The following MYO10 variants were observed in gnomAD, a reference collection of about 807,000 sequenced individuals.
The protein encoded by MYO10 is myosin X.
In MYO10, 133 loss-of-function variants were observed where a neutral mutation model predicts 257.3. The observed-to-expected ratio is 0.52, with a 90% CI of 0.45 to 0.60. MYO10 has a LOEUF of 0.60. Among genes scored for constraint, MYO10 ranks in the 20% least tolerant of loss-of-function variants. MYO10 has a pLI of 0.00. For missense variants in MYO10, 2,399 were observed against 2,635.7 expected (o/e 0.91, Z 1.97); for synonymous variants, 1,104 against 1,028.6 (o/e 1.07, Z -1.40).
rs751226536 is a variant in MYO10, at chr5:16,779,440, CTTCTAT to C, written c.930+99_930+104del. ...TCACCCACTGGTCCAAATGGAATTACTTCTATTTCTATTTAAAAAAATCTTTTGAAA... is the reference window on the plus strand; with the variant it reads ...TCACCCACTGGTCCAAATGGAATTACTTCTATTTAAAAAAATCTTTTGAAA... On this transcript the variant is annotated intron_variant, in intron 9 of 40. Transcript: ENST00000513610. 3 of 640,992 alleles carry C rather than the reference CTTCTAT, an allele frequency of 4.7e-6. No homozygotes were observed. In the East Asian group the frequency reaches 9.1e-5, roughly 19 times the overall value. 39.7% of individuals were successfully genotyped at this position (640,992 alleles called of 1,614,324 possible).
chr5:16,921,484 T>C (rs1334925675), intron 1 of MYO10, among the ~76,000 whole-genome samples: 4 of 152,034 alleles, frequency 2.6e-5, no homozygotes, highest in African/African-American at 9.7e-5. Flanking sequence ...TGATTGTAAA[T>C]GCCCAAACCT....
At chr5:16,831,623 G>A (rs1205799525) in intron 2 of MYO10, among the ~76,000 whole-genome samples, 1 of 152,114 alleles carries the variant, frequency 6.6e-6, no homozygotes, top group East Asian at 1.9e-4. Context: ...ACTCAGGAAT[G>A]GAAAAACAAA....
intron 1 of MYO10, among the ~76,000 whole-genome samples, chr5:16,892,542 T>C (rs1745088772): frequency 1.3e-5 from 2 of 151,872 alleles, no homozygotes; most frequent in African/African-American, 4.8e-5. Context: ...ACTTGGAAGG[T>C]TGAGGTGAGA....
At position 16,699,320 on chromosome 5, in the gene MYO10, T is replaced by C. The variant is rs1737914069; in HGVS notation, c.3556+130A>G. 4 of 1,254,888 alleles carry C rather than the reference T, an allele frequency of 3.2e-6. No individual in the cohort carries two copies. The South Asian group carries it at 4.7e-5, about 15-fold the overall frequency. 77.7% of individuals were successfully genotyped at this position (1,254,888 alleles called of 1,614,324 possible). A position where few individuals can be genotyped will look rare whatever the true frequency, so the allele number is the denominator to read the frequency against. On this transcript the variant is annotated intron_variant, in intron 26 of 40. Coordinates refer to ENST00000513610, the MANE Select transcript of MYO10 (RefSeq NM_012334.3). Reference sequence around the variant, plus strand: ...CTGAGGTAAGGGTAGGTAGAACGACTTTCCCAGTCCCCATCCATCAGCCCA... The same window carrying C: ...CTGAGGTAAGGGTAGGTAGAACGACCTTCCCAGTCCCCATCCATCAGCCCA...
intron 17 of MYO10, among the ~76,000 whole-genome samples, chr5:16,760,474 C>CA: frequency 6.8e-6 from 1 of 147,120 alleles, no homozygotes; most frequent in South Asian, 2.2e-4. Context: ...AAAAAAAAAA[C>CA]AAACCAAAAA....
At chr5:16,712,507 AAAAT>A (rs1459301295) in intron 19 of MYO10, among the ~76,000 whole-genome samples, 1 of 152,232 alleles carries the variant, frequency 6.6e-6, no homozygotes, top group Non-Finnish European at 1.5e-5. Flanking sequence ...CAATGACAAA[AAAAT>A]AGTGCCATAG....
At chr5:16,889,659 A>G (rs1351325633) in intron 1 of MYO10, among the ~76,000 whole-genome samples, 1 of 151,856 alleles carries the variant, frequency 6.6e-6, no homozygotes, top group East Asian at 1.9e-4. Flanking sequence ...CTGTCCCACT[A>G]AGAACTCTCA....
intron 17 of MYO10, among the ~76,000 whole-genome samples, chr5:16,761,039 G>T (rs1740697099): frequency 6.6e-6 from 1 of 151,836 alleles, no homozygotes. Context: ...CACCCAGGCT[G>T]GACTGCAATG....
intron 26 of MYO10, among the ~76,000 whole-genome samples, chr5:16,697,980 G>A (rs1330559827): frequency 1.3e-5 from 2 of 152,180 alleles, no homozygotes; most frequent in African/African-American, 4.8e-5. Context: ...CCCAAAATTG[G>A]TGATGATTAT....
In MYO10 at chr5:16,869,276, T is replaced by C. The variant is rs1420532967; in HGVS notation, c.120+8333A>G. Among the ~76,000 whole-genome samples, 4 of 149,804 alleles carry C rather than the reference T, an allele frequency of 2.7e-5. No homozygotes were observed. In the East Asian group the frequency reaches 8.0e-4, roughly 30 times the overall value. On this transcript the variant is annotated intron_variant, in intron 2 of 40. Transcript: ENST00000513610. ...GGATGGTCTCGATCTCCTGACCTCA[T>C]GATCCACCCACCTCGGCCTCCCAAA...
chr5:16,676,227 C>G, intron 33 of MYO10, 73 bp from the exon 34 acceptor site: 1 of 1,560,464 alleles, frequency 6.4e-7, no homozygotes, highest in Non-Finnish European at 8.7e-7. Flanking sequence ...TCAAGACTCT[C>G]AAATATCCAT....
At chr5:16,795,283 A>G (rs1401688893) in intron 3 of MYO10, among the ~76,000 whole-genome samples, 1 of 152,192 alleles carries the variant, frequency 6.6e-6, no homozygotes, top group Non-Finnish European at 1.5e-5. Flanking sequence ...TAATGGGTGC[A>G]GAGTTTCTAT....
At chr5:16,670,440 T>C in intron 39 of MYO10, 86 bp downstream of exon 39, 1 of 1,243,334 alleles carries the variant, frequency 8.0e-7, no homozygotes, top group Non-Finnish European at 1.1e-6. Flanking sequence ...CTCCATCTTG[T>C]CTTCTCTCCA....
chr5:16,862,997 G>C (rs1190879305), intron 2 of MYO10, among the ~76,000 whole-genome samples: 2 of 152,298 alleles, frequency 1.3e-5, no homozygotes, highest in East Asian at 3.9e-4. Flanking sequence ...GGATAGGCCG[G>C]TCAGAGGCAT....
chr5:16,919,253 C>T (rs1462348807), intron 1 of MYO10, among the ~76,000 whole-genome samples: 1 of 152,060 alleles, frequency 6.6e-6, no homozygotes, highest in Non-Finnish European at 1.5e-5. Context: ...TGGCAGGCGC[C>T]TGTAATTCGA....
At chr5:16,838,157 C>T (rs370669309) in intron 2 of MYO10, among the ~76,000 whole-genome samples, 175 of 152,226 alleles carry the variant, frequency 1.1e-3, no homozygotes, top group African/African-American at 4.1e-3. Context: ...AAAAGAGTCA[C>T]GCATCTCTCA....
intron 2 of MYO10, among the ~76,000 whole-genome samples, chr5:16,876,491 G>C (rs1470980059): frequency 6.6e-6 from 1 of 152,132 alleles, no homozygotes; most frequent in African/African-American, 2.4e-5. Context: ...TTCTTACAGT[G>C]ATCAGGACAA....
chr5:16,701,197 G>A lies in MYO10; in HGVS notation c.3198C>T (p.Ser1066=), dbSNP rs576274663. ...SVQDSGSLHN[S]SSGESTYCMP... The stretch of plus-strand genomic sequence containing the variant: ...TGCAGTAGGTGGACTCGCCGCTGGA[G>A]GAGTTGTGTAGGCTCCCGGAGTCCT... The change falls in exon 25 of 41, where the codon TCC becomes TCT. Residue 1066 remains serine (S), a synonymous_variant. Transcript: ENST00000513610. The surrounding 1 kb of genome is among the most constrained non-coding windows in gnomAD (Gnocchi z 8.1). 11 of 1,610,770 alleles carry A rather than the reference G, an allele frequency of 6.8e-6. 1 individual carries two copies. The highest frequency in any genetic ancestry group is 3.3e-4 in the Middle Eastern group (2 of 6,056).
At position 16,663,077 on chromosome 5, in the gene MYO10, G is replaced by A. The variant is rs1736032924; in HGVS notation, c.*3615C>T. The A allele has an allele frequency of 6.6e-6, 1 of 152,074 alleles. No homozygotes were observed. The allele number at this position is 152,074 out of a possible 1,614,324, so 9.4% of individuals were successfully genotyped here. A position where few individuals can be genotyped will look rare whatever the true frequency, so the allele number is the denominator to read the frequency against. ...ACTATATAATCATCAAAAAGAATAA[G>A]GCAATTCTATAGGTATTAATGTAGG... On this transcript the variant is annotated 3_prime_UTR_variant, in exon 41 of 41. Transcript: ENST00000513610.
Sources: allele counts gnomAD v4.1 joint callset (sites outside exome capture counted in the v4.1 genomes callset), GRCh38; gene constraint gnomAD v4.1.1; non-coding constraint Gnocchi (gnomAD v3.1); transcripts MANE v1.5; gene names NCBI Gene and HGNC (gene_info 2026-07-23, HGNC 2026-07-21).